NSMF: variants seen among roughly 807,000 people sequenced by gnomAD.
The protein encoded by NSMF is NMDA receptor synaptonuclear signaling and neuronal migration factor, also known as nasal embryonic LHRH factor.
A neutral mutation model predicts 71.0 loss-of-function variants in NSMF; 31 were observed. That is an observed-to-expected ratio of 0.44 (90% CI 0.33 to 0.59). The LOEUF is 0.59. NSMF is among the 20% of genes least tolerant of loss of function. The pLI is 0.04. For missense variants in NSMF, 673 were observed against 740.5 expected, an observed-to-expected ratio of 0.91 and a Z score of 1.06; for synonymous variants, 345 against 287.1, an observed-to-expected ratio of 1.20 and a Z score of -2.04.
rs952800697 is a variant in NSMF at position 137,449,188 on chromosome 9, C to T, written c.*206G>A. On this transcript the variant is annotated 3_prime_UTR_variant, in exon 16 of 16. Coordinates refer to ENST00000371475, the MANE Select transcript of NSMF (RefSeq NM_001130969.3). ...CACGGGCCACAGGGCGGGATCCTCC[C>T]GGCCCCCAGGGACTGCAGCCTCTGC... is the stretch of plus-strand genomic sequence containing the variant. The T allele has an allele frequency of 1.5e-5, 9 of 607,342 alleles. No individual in the cohort carries two copies. Among genetic ancestry groups the T allele is most frequent in the East Asian group, 2.8e-5 (1 of 36,100 alleles). 37.6% of individuals were successfully genotyped at this position (607,342 alleles called of 1,614,324 possible). A position where few individuals can be genotyped will look rare whatever the true frequency, so the allele number is the denominator to read the frequency against.
chr9:137,452,736 G>A lies in NSMF; in HGVS notation c.1131C>T (p.Tyr377=), dbSNP rs1302146067. ...GGGGCAGGCCCGGGGCGGGACTCAC[G>A]TAGAGGATGGGGATGATGGAGGGGT... ...RDDPSIIPIL[Y]DHEHATFEDI... is the part of the protein sequence containing the mutation. The change falls in exon 10 of 16, where the codon TAC becomes TAT. Residue 377 remains tyrosine (Y), a splice_region_variant and synonymous_variant. Coordinates refer to ENST00000371475, the MANE Select transcript of NSMF (RefSeq NM_001130969.3). The A allele has an allele frequency of 2.1e-5, 33 of 1,606,080 alleles. No homozygotes were observed. The highest frequency in any genetic ancestry group is 2.7e-5 in the African/African-American group (2 of 74,994).
chr9:137,458,304 G>T (rs1317776639), intron 2 of NSMF, among the ~76,000 whole-genome samples, 184 bp downstream of exon 2: 1 of 152,144 alleles, frequency 6.6e-6, no homozygotes, highest in Non-Finnish European at 1.5e-5. Context: ...CCATGGTGAC[G>T]AGCGGCTGGG....
chr9:137,451,087 C>T (rs571487153), intron 12 of NSMF, among the ~76,000 whole-genome samples: 2 of 73,806 alleles, frequency 2.7e-5, no homozygotes, highest in East Asian at 4.3e-4. Context: ...CGCCTCTTCC[C>T]CTTGATCTTC....
chr9:137,454,516 C>T lies in NSMF; in HGVS notation c.780-73G>A. ...CAGCCCCTGCCCACCTAGCCCCCGT[C>T]GGGTCATGGCTCTACTCTCACCCCT... On this transcript the variant is annotated intron_variant, in intron 6 of 15. Transcript: ENST00000371475. 1.9e-6 allele frequency: 3 copies of T among 1,549,294 alleles called. No individual in the cohort carries two copies. The South Asian group carries it at 3.6e-5, about 18-fold the overall frequency.
Position 137,449,302 on chromosome 9 carries a change from CCA to C in NSMF, c.*90_*91del, listed in dbSNP as rs1227881154. The stretch of plus-strand genomic sequence containing the variant: ...GAAGTGGCTCCAGGCGAGACCGGAG[CCA>C]CACAGTCCCGGGGAGCACGAGGCGG... On this transcript the variant is annotated 3_prime_UTR_variant, in exon 16 of 16. Coordinates refer to ENST00000371475, the MANE Select transcript of NSMF (RefSeq NM_001130969.3). 4.6e-6 allele frequency: 5 copies of C among 1,086,740 alleles called. No individual in the cohort carries two copies. The Admixed American group carries it at 9.4e-5, about 20-fold the overall frequency. 67.3% of individuals were successfully genotyped at this position (1,086,740 alleles called of 1,614,324 possible). A position where few individuals can be genotyped will look rare whatever the true frequency, so the allele number is the denominator to read the frequency against.
At chr9:137,456,368 A>G in intron 4 of NSMF, 43 bp downstream of exon 4, 1 of 1,484,152 alleles carries the variant, frequency 6.7e-7, no homozygotes, top group Middle Eastern at 1.7e-4. Context: ...CAGCAGAAAG[A>G]GACCACCCAA....
intron 4 of NSMF, 100 bp downstream of exon 4, chr9:137,456,311 G>A: frequency 3.0e-6 from 3 of 993,492 alleles, no homozygotes; most frequent in Non-Finnish European, 4.8e-6. Context: ...TTCAGAAGCA[G>A]CCCCCCTGGT....
rs894416088 is a variant in NSMF at position 137,453,591 on chromosome 9, T to C, written c.922+140A>G. The C allele has an allele frequency of 8.9e-6, 6 of 675,030 alleles. No individual in the cohort carries two copies. In the African/African-American group the frequency reaches 1.1e-4, roughly 12 times the overall value. 41.8% of individuals were successfully genotyped at this position (675,030 alleles called of 1,614,324 possible). The stretch of plus-strand genomic sequence containing the variant: ...TTTGCGATCGGAGATGCTGAGGGCG[T>C]CCCCATCTCACAAACAGGTAAACCA... On this transcript the variant is annotated intron_variant, in intron 8 of 15. Transcript: ENST00000371475. The surrounding 1 kb of genome is among the most constrained non-coding windows in gnomAD (Gnocchi z 4.5).
Position 137,449,488 on chromosome 9 carries a change from T to C in NSMF, c.1499A>G (p.Lys500Arg). Residue 500 changes from lysine (K) to arginine (R), a missense_variant, in exon 16 of 16, where the codon AAG becomes AGG. By Grantham distance (26) the Lys-to-Arg change is conservative. Transcript: ENST00000371475. ...GTCAAAGTACGTCTCGATCATCTGC[T>C]TCCCTGGGCGGAGCGGGGGCAGGAG... ...ESPLELSAQGKQMIETYFDFR... is the reference protein window; with the variant it reads ...ESPLELSAQGRQMIETYFDFR... 2 of 1,612,780 alleles carry C rather than the reference T, an allele frequency of 1.2e-6. No homozygotes were observed. Among genetic ancestry groups the C allele is most frequent in the Non-Finnish European group, 1.7e-6 (2 of 1,179,872 alleles).
chr9:137,450,256 C>A lies in NSMF; in HGVS notation c.1237-1G>T, dbSNP rs756896146. 1 of 1,612,330 alleles carries A rather than the reference C, an allele frequency of 6.2e-7. No individual in the cohort carries two copies. The highest frequency in any genetic ancestry group is 8.5e-7 in the Non-Finnish European group (1 of 1,178,910). ...GGAGATAGAGGTGTCCAGGACCTCC[C>A]TGTAAGAAGCTGTGGTCAGGCATCT... is the stretch of plus-strand genomic sequence containing the variant. On this transcript the variant is annotated splice_acceptor_variant, in intron 12 of 15. Coordinates refer to ENST00000371475, the MANE Select transcript of NSMF (RefSeq NM_001130969.3). LOFTEE classifies it high-confidence loss of function.
rs1425926413 is a variant in NSMF, at chr9:137,450,037, G to A, written c.1317-12C>T. On this transcript the variant is annotated splice_polypyrimidine_tract_variant and intron_variant, in intron 13 of 15. Transcript: ENST00000371475. ...GCCGCTTCCAGAAGCTGGTGGAGAGGGGTGGGTCACCCAGTGGCAGGGGAC... is the reference window on the plus strand; with the variant it reads ...GCCGCTTCCAGAAGCTGGTGGAGAGAGGTGGGTCACCCAGTGGCAGGGGAC... 4.3e-6 allele frequency: 7 copies of A among 1,611,398 alleles called. No individual in the cohort carries two copies. The highest frequency in any genetic ancestry group is 5.9e-6 in the Non-Finnish European group (7 of 1,178,740).
At chr9:137,455,399 G>C in intron 5 of NSMF, 92 bp from the exon 6 acceptor site, 1 of 1,434,798 alleles carries the variant, frequency 7.0e-7, no homozygotes, top group South Asian at 1.2e-5. Context: ...GGCCCAGCAG[G>C]GCGTCTGGGG....
Position 137,453,698 on chromosome 9 carries a change from G to T in NSMF, c.922+33C>A. On this transcript the variant is annotated intron_variant, in intron 8 of 15. Coordinates refer to ENST00000371475, the MANE Select transcript of NSMF (RefSeq NM_001130969.3). This position sits in a 1 kb window ranked among gnomAD's most constrained non-coding sequence, Gnocchi z 4.5. Reference sequence around the variant, plus strand: ...GGTCTGGGGTCTAGGGGAGGCTCTGGGGAAGGTGGGCGGGCCTGTGCGGGG... The same window carrying T: ...GGTCTGGGGTCTAGGGGAGGCTCTGTGGAAGGTGGGCGGGCCTGTGCGGGG... The T allele has an allele frequency of 6.4e-7, 1 of 1,553,320 alleles. No homozygotes were observed. Among genetic ancestry groups the T allele is most frequent in the Non-Finnish European group, 8.7e-7 (1 of 1,143,744 alleles).
chr9:137,452,822 G>T lies in NSMF; in HGVS notation c.1048-3C>A. ...TTGGGCACCTTGGAGGAAATGAGCT[G>T]CGGAGACAAAGAGCTGCTCAGGGGC... On this transcript the variant is annotated splice_polypyrimidine_tract_variant and splice_region_variant and intron_variant, in intron 9 of 15. Coordinates refer to ENST00000371475, the MANE Select transcript of NSMF (RefSeq NM_001130969.3). 1 of 1,598,330 alleles carries T rather than the reference G, an allele frequency of 6.3e-7. No homozygotes were observed. Among genetic ancestry groups the T allele is most frequent in the South Asian group, 1.1e-5 (1 of 88,852 alleles).
rs1564255615 is a variant in NSMF, at chr9:137,448,989, C to T, written c.*405G>A. On this transcript the variant is annotated 3_prime_UTR_variant, in exon 16 of 16. Transcript: ENST00000371475. This position sits in a 1 kb window ranked among gnomAD's most constrained non-coding sequence, Gnocchi z 5.3. ...GCTGCTGGGCTGCTGGGCCGGGGTG[C>T]CTACACTGTAACTAGCAGCATAGTG... 1 of 333,088 alleles carries T rather than the reference C, an allele frequency of 3.0e-6. No individual in the cohort carries two copies. The highest frequency in any genetic ancestry group is 5.9e-6 in the Non-Finnish European group (1 of 170,876). 20.6% of individuals were successfully genotyped at this position (333,088 alleles called of 1,614,324 possible).
chr9:137,455,008 G>A, intron 6 of NSMF: 1 of 724,456 alleles, frequency 1.4e-6, no homozygotes, highest in South Asian at 1.5e-5. Context: ...CCTTGCTGCT[G>A]GCCCCAGCCC....
Position 137,449,688 on chromosome 9 carries a change from G to A in NSMF, c.1420-14C>T. On this transcript the variant is annotated splice_polypyrimidine_tract_variant and intron_variant, in intron 14 of 15. Transcript: ENST00000371475. Reference sequence around the variant, plus strand: ...GTTCTGGAACAGCTGGAGGAAGCGGGGTGCCATGAGTCCGAGGCAGAGAGA... The same window carrying A: ...GTTCTGGAACAGCTGGAGGAAGCGGAGTGCCATGAGTCCGAGGCAGAGAGA... 6.2e-7 allele frequency: 1 copy of A among 1,609,552 alleles called. No individual in the cohort carries two copies. Among genetic ancestry groups the A allele is most frequent in the East Asian group, 2.2e-5 (1 of 44,810 alleles).
intron 5 of NSMF, 147 bp from the exon 6 acceptor site, chr9:137,455,454 G>A: frequency 3.5e-6 from 4 of 1,146,756 alleles, no homozygotes; most frequent in Non-Finnish European, 3.8e-6. Context: ...ACCTGTCGAG[G>A]CCCAGCTCCC....
intron 6 of NSMF, chr9:137,454,674 G>A (rs1830741910): frequency 6.6e-7 from 1 of 1,526,436 alleles, no homozygotes; most frequent in East Asian, 2.5e-5. Context: ...TGCAGTGCCT[G>A]GCGCTCTGGA....
Sources: allele counts gnomAD v4.1 joint callset (sites outside exome capture counted in the v4.1 genomes callset), GRCh38; gene constraint gnomAD v4.1.1; non-coding constraint Gnocchi (gnomAD v3.1); transcripts MANE v1.5; gene names NCBI Gene and HGNC (gene_info 2026-07-23, HGNC 2026-07-21).